The following NFIB variants were observed in gnomAD, a reference collection of about 807,000 sequenced individuals.
NFIB encodes the protein nuclear factor 1 B-type.
NFIB carries 11 observed loss-of-function variants against 61.5 expected under a neutral mutation model. That is an observed-to-expected ratio of 0.18 (90% confidence interval 0.11 to 0.30). NFIB has a LOEUF of 0.30. Ranked by LOEUF, NFIB falls within the 10% of genes least tolerant of loss-of-function variation. The pLI is 1.00. For missense variants in NFIB, 471 were observed against 608.9 expected (o/e 0.77, Z 2.38); for synonymous variants, 260 against 216.5 (o/e 1.20, Z -1.76).
At chr9:14,407,601 T>C in the NFIB span, among the ~76,000 whole-genome samples, 3 of 152,160 alleles carry the variant, frequency 2.0e-5, no homozygotes, top group East Asian at 5.8e-4. Flanking sequence ...TTAAAGATAA[T>C]ATATAAAAAT....
chr9:14,474,605 A>T, the NFIB span, among the ~76,000 whole-genome samples: 2 of 152,304 alleles, frequency 1.3e-5, no homozygotes, highest in Non-Finnish European at 2.9e-5. Flanking sequence ...TCTAAATCTG[A>T]TCTGGGTGGG....
At chr9:14,520,077 C>A in the NFIB span, among the ~76,000 whole-genome samples, 1 of 151,724 alleles carries the variant, frequency 6.6e-6, no homozygotes, top group East Asian at 1.9e-4. Flanking sequence ...TTCCTTCATT[C>A]ACATGAGGAT....
At chr9:14,390,298 T>A (rs976126985) in intron 1 of NFIB, among the ~76,000 whole-genome samples, 11 of 152,186 alleles carry the variant, frequency 7.2e-5, no homozygotes, top group Admixed American at 1.3e-4. Flanking sequence ...TTTCCTTATA[T>A]ATAAAATGGA....
the NFIB span, among the ~76,000 whole-genome samples, chr9:14,415,225 A>G: frequency 6.6e-6 from 1 of 152,198 alleles, no homozygotes; most frequent in African/African-American, 2.4e-5. Flanking sequence ...GACTGCCCTC[A>G]GCTCCCAGAG....
the NFIB span, among the ~76,000 whole-genome samples, chr9:14,518,084 G>A: frequency 6.6e-6 from 1 of 152,296 alleles, no homozygotes; most frequent in East Asian, 1.9e-4. Flanking sequence ...ATTTTGAATG[G>A]AATAAATATA....
intron 2 of NFIB, among the ~76,000 whole-genome samples, chr9:14,236,068 G>A (rs1447422905): frequency 6.6e-6 from 1 of 152,118 alleles, no homozygotes; most frequent in African/African-American, 2.4e-5. Context: ...TAATAGCATT[G>A]ATCATAACAC....
the NFIB span, among the ~76,000 whole-genome samples, chr9:14,429,997 T>C: frequency 6.6e-6 from 1 of 152,252 alleles, no homozygotes; most frequent in African/African-American, 2.4e-5. Flanking sequence ...TAAATGTTAA[T>C]TTCCTTTATT....
chr9:14,191,813 G>A (rs2047981282), intron 2 of NFIB, among the ~76,000 whole-genome samples: 1 of 152,056 alleles, frequency 6.6e-6, no homozygotes, highest in Non-Finnish European at 1.5e-5. Context: ...TATTTTCATT[G>A]CACGTACCAT....
intron 2 of NFIB, among the ~76,000 whole-genome samples, chr9:14,183,849 G>A (rs998270870): frequency 6.6e-6 from 1 of 151,840 alleles, no homozygotes; most frequent in African/African-American, 2.4e-5. Flanking sequence ...TTCTTTAAGT[G>A]TGGGTTTCAT....
In NFIB at chr9:14,313,210, G is replaced by C. The variant is rs1188766519; in HGVS notation, c.30+272C>G. Among the ~76,000 whole-genome samples, 1 of 151,856 alleles carries C rather than the reference G, an allele frequency of 6.6e-6. No homozygotes were observed. Among genetic ancestry groups the C allele is most frequent in the East Asian group, 1.9e-4 (1 of 5,168 alleles). ...GGCCGCACGGGGCCTCGCACTTACAGGTCCCGGCCCTGCCCACCCCCCGGC... is the reference window on the plus strand; with the variant it reads ...GGCCGCACGGGGCCTCGCACTTACACGTCCCGGCCCTGCCCACCCCCCGGC... On this transcript the variant is annotated intron_variant, in intron 1 of 10. Coordinates refer to ENST00000380953, the MANE Select transcript of NFIB (RefSeq NM_001190737.2). This position sits in a 1 kb window ranked among gnomAD's most constrained non-coding sequence, Gnocchi z 4.5.
chr9:14,488,325 C>T, the NFIB span, among the ~76,000 whole-genome samples: 3 of 151,256 alleles, frequency 2.0e-5, no homozygotes, highest in East Asian at 3.9e-4. Flanking sequence ...ATCACACCAC[C>T]GCACTTCAAT....
the NFIB span, among the ~76,000 whole-genome samples, chr9:14,529,696 A>G: frequency 6.6e-6 from 1 of 152,192 alleles, no homozygotes; most frequent in South Asian, 2.1e-4. Context: ...ATAATCCCTT[A>G]AACACTTTGG....
upstream of NFIB, among the ~76,000 whole-genome samples, chr9:14,314,786 C>T (rs1348485112): frequency 7.0e-6 from 1 of 143,430 alleles, no homozygotes; most frequent in African/African-American, 2.6e-5. Context: ...GCTACAGAAC[C>T]ATGACTTTTT....
At chr9:14,431,801 G>A in the NFIB span, among the ~76,000 whole-genome samples, 2 of 152,114 alleles carry the variant, frequency 1.3e-5, no homozygotes, top group African/African-American at 4.8e-5. Context: ...AACAGGAAGT[G>A]CTCCCCTGGT....
intron 2 of NFIB, among the ~76,000 whole-genome samples, chr9:14,180,995 T>C (rs2046705041): frequency 6.6e-6 from 1 of 152,334 alleles, no homozygotes; most frequent in Non-Finnish European, 1.5e-5. Flanking sequence ...CCATTATACT[T>C]GAGCCAAGAA....
chr9:14,176,368 T>A (rs959661110), intron 3 of NFIB, among the ~76,000 whole-genome samples: 25 of 152,196 alleles, frequency 1.6e-4, no homozygotes, highest in African/African-American at 5.8e-4. Context: ...TGCTTAGCGC[T>A]TCTCAGCCAA....
At chr9:14,234,666 C>CTTT (rs58449298) in intron 2 of NFIB, among the ~76,000 whole-genome samples, 8 of 151,456 alleles carry the variant, frequency 5.3e-5, no homozygotes, top group Admixed American at 1.3e-4. Flanking sequence ...TTGGTCTACT[C>CTTT]TTTTTTTTAA....
chr9:14,320,924 G>C (rs1053782680), intron 1 of NFIB, among the ~76,000 whole-genome samples: 1 of 152,014 alleles, frequency 6.6e-6, no homozygotes, highest in African/African-American at 2.4e-5. Flanking sequence ...TTCCCTGCCA[G>C]CTACTGTACT....
intron 3 of NFIB, among the ~76,000 whole-genome samples, chr9:14,164,730 C>T (rs2044586561): frequency 6.6e-6 from 1 of 152,080 alleles, no homozygotes; most frequent in African/African-American, 2.4e-5. Context: ...AGTGTAAAAC[C>T]TGAGTGGACC....
Sources: allele counts gnomAD v4.1 joint callset (sites outside exome capture counted in the v4.1 genomes callset), GRCh38; gene constraint gnomAD v4.1.1; non-coding constraint Gnocchi (gnomAD v3.1); transcripts MANE v1.5; gene names NCBI Gene and HGNC (gene_info 2026-07-23, HGNC 2026-07-21).